The following CAMK1D variants were observed in gnomAD, a reference collection of about 807,000 sequenced individuals.
CAMK1D encodes the protein calcium/calmodulin-dependent protein kinase type 1D.
Under a neutral mutation model 47.7 loss-of-function variants are expected in CAMK1D, and 9 were observed. The ratio of observed to expected loss-of-function variants is 0.19; its 90% CI spans 0.11 to 0.33. The LOEUF is 0.33. Ranked by LOEUF, CAMK1D falls within the 10% of genes least tolerant of loss-of-function variation. The probability of loss-of-function intolerance (pLI) is 1.00; values close to 1 mark genes in which losing one functional copy is unlikely to be tolerated. For synonymous variants in CAMK1D, 184 were observed against 184.9 expected (o/e 0.99, Z 0.04); for missense variants, 291 against 488.7 (o/e 0.60, Z 3.81).
chr10:12,477,481 G>A (rs1833935967), intron 1 of CAMK1D, among the ~76,000 whole-genome samples: 4 of 152,186 alleles, frequency 2.6e-5, no homozygotes, highest in South Asian at 2.1e-4. Context: ...TGGGGAAGAC[G>A]AAAGGGGCAC....
chr10:12,405,224 TC>T (rs1306448916), intron 1 of CAMK1D, among the ~76,000 whole-genome samples: 1 of 152,190 alleles, frequency 6.6e-6, no homozygotes, highest in East Asian at 1.9e-4. Flanking sequence ...TCTGGGGGTT[TC>T]CACAGCTGGC....
intron 1 of CAMK1D, among the ~76,000 whole-genome samples, chr10:12,428,621 C>T (rs1025178608): frequency 1.1e-4 from 17 of 152,310 alleles, no homozygotes; most frequent in African/African-American, 3.6e-4. Context: ...AAGAGGCCAG[C>T]GGGATCTGGG....
At chr10:12,649,719 G>A (rs1481136144) in intron 2 of CAMK1D, among the ~76,000 whole-genome samples, 2 of 152,122 alleles carry the variant, frequency 1.3e-5, no homozygotes, top group Non-Finnish European at 2.9e-5. Flanking sequence ...ACATGTTGCA[G>A]GATACGTTTT....
chr10:12,497,535 C>A (rs1047869180), intron 1 of CAMK1D, among the ~76,000 whole-genome samples: 1 of 148,346 alleles, frequency 6.7e-6, no homozygotes, highest in Non-Finnish European at 1.5e-5. Context: ...GGCTTAAATT[C>A]TATTAGGTTT....
At chr10:12,702,675 A>G (rs561994342) in intron 3 of CAMK1D, among the ~76,000 whole-genome samples, 41 of 152,350 alleles carry the variant, frequency 2.7e-4, no homozygotes, top group African/African-American at 9.1e-4. Flanking sequence ...AGAAGGAACC[A>G]TGTGCACAGA....
chr10:12,778,079 A>C (rs1170096416), intron 5 of CAMK1D, among the ~76,000 whole-genome samples: 2 of 152,218 alleles, frequency 1.3e-5, no homozygotes, highest in African/African-American at 2.4e-5. Context: ...AAAAGCTTCC[A>C]TTCCCCTCAG....
chr10:12,774,377 A>G lies in CAMK1D; in HGVS notation c.565+4578A>G, dbSNP rs369817682. 2.6e-5 allele frequency among the ~76,000 whole-genome samples: 4 copies of G among 152,200 alleles called. No homozygotes were observed. The East Asian group carries it at 7.8e-4, about 29-fold the overall frequency. ...CCGACCATGCAGGTATCTGGAGGGC[A>G]TTCCAGGCCCAGTGCAGAGGCCTGA... On this transcript the variant is annotated intron_variant, in intron 5 of 10. Transcript: ENST00000619168.
At chr10:12,828,060 A>G (rs1022350973) in intron 10 of CAMK1D, among the ~76,000 whole-genome samples, 2 of 152,248 alleles carry the variant, frequency 1.3e-5, no homozygotes, top group African/African-American at 4.8e-5. Flanking sequence ...AGGTAGTATC[A>G]TTCTTTATTC....
At chr10:12,699,707 G>A (rs1564503086) in intron 3 of CAMK1D, among the ~76,000 whole-genome samples, 1 of 149,908 alleles carries the variant, frequency 6.7e-6, no homozygotes, top group South Asian at 2.1e-4. Flanking sequence ...ACGGTTTGCC[G>A]CCGTGGACTT....
chr10:12,642,186 C>T (rs1839686191), intron 2 of CAMK1D, among the ~76,000 whole-genome samples: 1 of 152,128 alleles, frequency 6.6e-6, no homozygotes, highest in Non-Finnish European at 1.5e-5. Context: ...AATCGGGCTG[C>T]GTGATGACGC....
chr10:12,793,606 C>G (rs1838074861), intron 6 of CAMK1D, among the ~76,000 whole-genome samples: 1 of 152,250 alleles, frequency 6.6e-6, no homozygotes, highest in Non-Finnish European at 1.5e-5. Context: ...GGTGAGGGCT[C>G]TTTTCCTGAC....
intron 1 of CAMK1D, among the ~76,000 whole-genome samples, chr10:12,549,816 C>T (rs1039855507): frequency 2.0e-5 from 3 of 152,216 alleles, no homozygotes; most frequent in Admixed American, 2.0e-4. Context: ...TACTGCCTCT[C>T]CATGTTGTCA....
intron 8 of CAMK1D, among the ~76,000 whole-genome samples, chr10:12,821,897 C>T (rs1833025305): frequency 6.6e-6 from 1 of 152,156 alleles, no homozygotes; most frequent in African/African-American, 2.4e-5. Flanking sequence ...ATCACTTGAA[C>T]CCAAAGGCGG....
In CAMK1D at chr10:12,366,719, G is replaced by A. The variant is rs80100450; in HGVS notation, c.92+16809G>A. On this transcript the variant is annotated intron_variant, in intron 1 of 10. Coordinates refer to ENST00000619168, the MANE Select transcript of CAMK1D (RefSeq NM_153498.4). Reference sequence around the variant, plus strand: ...GATCCTGGGCAGTCAGTCATTCTGCGGGGTGGGTGGCAGATCTAGGGAGAG... The same window carrying A: ...GATCCTGGGCAGTCAGTCATTCTGCAGGGTGGGTGGCAGATCTAGGGAGAG... 3.6e-3 allele frequency among the ~76,000 whole-genome samples: 553 copies of A among 152,052 alleles called. 7 individuals are homozygous for A. In the East Asian group the frequency reaches 0.036, roughly 10 times the overall value.
At chr10:12,577,168 C>T (rs117501680) in intron 2 of CAMK1D, among the ~76,000 whole-genome samples, 4,495 of 151,176 alleles carry the variant, frequency 0.03, 85 homozygotes, top group Non-Finnish European at 0.045. Context: ...GCAGTCCCCC[C>T]GGCCAATAAC....
At chr10:12,661,535 T>C (rs1007192195) in intron 2 of CAMK1D, among the ~76,000 whole-genome samples, 3 of 152,216 alleles carry the variant, frequency 2.0e-5, no homozygotes, top group Non-Finnish European at 2.9e-5. Context: ...TAATTAAAAA[T>C]ACTTAGTGCA....
intron 1 of CAMK1D, among the ~76,000 whole-genome samples, chr10:12,351,876 C>T (rs1474010417): frequency 6.6e-6 from 1 of 152,182 alleles, no homozygotes; most frequent in African/African-American, 2.4e-5. Context: ...GAATTCTTTG[C>T]AAAGGAGCTT....
At chr10:12,727,617 C>T (rs1834705048) in intron 3 of CAMK1D, among the ~76,000 whole-genome samples, 2 of 152,168 alleles carry the variant, frequency 1.3e-5, no homozygotes, top group South Asian at 4.1e-4. Flanking sequence ...CACACCACAG[C>T]CTGAAACACA....
intron 3 of CAMK1D, among the ~76,000 whole-genome samples, chr10:12,690,130 CTCAGGCCTTGTGTTG>C (rs1187513879): frequency 6.6e-6 from 1 of 152,204 alleles, no homozygotes; most frequent in Non-Finnish European, 1.5e-5. Context: ...GATAGCTTCA[CTCAGGCCTTGTGTTG>C]AACGCCTGTC....
Sources: allele counts gnomAD v4.1 joint callset (sites outside exome capture counted in the v4.1 genomes callset), GRCh38; gene constraint gnomAD v4.1.1; transcripts MANE v1.5; gene names NCBI Gene and HGNC (gene_info 2026-07-23, HGNC 2026-07-21).